Variants in MAP2K6 observed in about 807,000 individuals in gnomAD.
MAP2K6 encodes the protein dual specificity mitogen-activated protein kinase kinase 6.
In MAP2K6, 16 loss-of-function variants were observed where a neutral mutation model predicts 53.7. The observed-to-expected ratio is 0.30, with a 90% CI of 0.20 to 0.45. MAP2K6 has a LOEUF of 0.45. MAP2K6 is among the 20% of genes least tolerant of loss of function. The probability of loss-of-function intolerance (pLI) is 1.00; values close to 1 mark genes in which losing one functional copy is unlikely to be tolerated. For missense variants in MAP2K6, 204 were observed against 411.9 expected (o/e 0.50, Z 4.37); for synonymous variants, 132 against 143.1 (o/e 0.92, Z 0.55).
intron 8 of MAP2K6, 73 bp from the exon 9 acceptor site, chr17:69,524,828 C>A: frequency 1.7e-6 from 2 of 1,146,594 alleles, no homozygotes; most frequent in Non-Finnish European, 2.6e-6. Flanking sequence ...TACCCCCATC[C>A]CCAGAGACTA....
chr17:69,517,638 T>G, intron 4 of MAP2K6, 25 bp downstream of exon 4: 1 of 1,529,086 alleles, frequency 6.5e-7, no homozygotes, highest in Non-Finnish European at 8.9e-7. Context: ...CTCCCAAATG[T>G]TTTATATCTG....
intron 2 of MAP2K6, among the ~76,000 whole-genome samples, chr17:69,515,896 A>G (rs1461936835): frequency 6.6e-6 from 1 of 152,178 alleles, no homozygotes; most frequent in Non-Finnish European, 1.5e-5. Flanking sequence ...TGCCATTACT[A>G]TTTGTTTCTT....
intron 5 of MAP2K6, chr17:69,519,663 C>A: frequency 2.0e-6 from 1 of 491,524 alleles, no homozygotes; most frequent in East Asian, 4.0e-5. Context: ...CGTCTCCTTT[C>A]TTTTTTGTTT....
At chr17:69,457,755 T>C (rs549863717) in intron 1 of MAP2K6, among the ~76,000 whole-genome samples, 27 of 152,116 alleles carry the variant, frequency 1.8e-4, no homozygotes, top group Non-Finnish European at 3.2e-4. Context: ...TGGTGAGCTA[T>C]GATCACACTA....
chr17:69,477,124 T>G (rs1216973467), intron 1 of MAP2K6: 1 of 152,134 alleles, frequency 6.6e-6, no homozygotes, highest in Non-Finnish European at 1.5e-5. Flanking sequence ...AATACAGAGC[T>G]TGAAATAAAG....
intron 4 of MAP2K6, 23 bp from the exon 5 acceptor site, chr17:69,519,290 A>G: frequency 6.2e-7 from 1 of 1,610,090 alleles, no homozygotes; most frequent in East Asian, 2.2e-5. Context: ...GTAACCATAA[A>G]TTTTCCATGC....
chr17:69,518,598 G>A (rs778917737), intron 4 of MAP2K6, among the ~76,000 whole-genome samples: 9 of 152,140 alleles, frequency 5.9e-5, no homozygotes, highest in Non-Finnish European at 1.2e-4. Flanking sequence ...AATAGATTGG[G>A]GCTATTGTTA....
chr17:69,534,220 T>G (rs1344856628), intron 10 of MAP2K6, among the ~76,000 whole-genome samples: 2 of 152,166 alleles, frequency 1.3e-5, no homozygotes, highest in African/African-American at 4.8e-5. Flanking sequence ...CCACGTAGAC[T>G]CTCAGCATCT....
chr17:69,498,286 GACAA>G (rs10610312), intron 1 of MAP2K6, among the ~76,000 whole-genome samples: 50,337 of 151,454 alleles, frequency 0.33, 8,849 homozygotes, highest in East Asian at 0.47. Flanking sequence ...GGTAAAACAA[GACAA>G]ACAAACAAAC....
At chr17:69,450,667 C>T (rs1907189915) in intron 1 of MAP2K6, among the ~76,000 whole-genome samples, 2 of 151,468 alleles carry the variant, frequency 1.3e-5, no homozygotes, top group Non-Finnish European at 2.9e-5. Context: ...AAGACTTGTA[C>T]TTCATGATAA....
chr17:69,425,938 C>T (rs1212078486), intron 1 of MAP2K6, among the ~76,000 whole-genome samples: 1 of 152,006 alleles, frequency 6.6e-6, no homozygotes, highest in Non-Finnish European at 1.5e-5. Flanking sequence ...AGTTTATTTA[C>T]CCCTTCCTGT....
At chr17:69,492,704 C>T (rs1908797626) in intron 1 of MAP2K6, among the ~76,000 whole-genome samples, 1 of 152,172 alleles carries the variant, frequency 6.6e-6, no homozygotes, top group Admixed American at 6.5e-5. Context: ...CTGGGTGTGT[C>T]TACTCTCCCT....
chr17:69,437,943 G>C (rs1030884642), intron 1 of MAP2K6, among the ~76,000 whole-genome samples: 2 of 152,198 alleles, frequency 1.3e-5, no homozygotes, highest in African/African-American at 4.8e-5. Flanking sequence ...TAATAATTCT[G>C]TTGCATTGCT....
chr17:69,542,707 CAT>C lies in MAP2K6; in HGVS notation c.*955_*956del, dbSNP rs1235494707. The C allele has an allele frequency of 1.3e-5, 2 of 152,078 alleles. No homozygotes were observed. The highest frequency in any genetic ancestry group is 2.1e-4 in the South Asian group (1 of 4,830). The allele number at this position is 152,078 out of a possible 1,614,324, so 9.4% of individuals were successfully genotyped here. ...GGACAATTGTCAGTTTTGAGGGGGA[CAT>C]GTGTTAAATCACAGAAAAAAATGGT... On this transcript the variant is annotated 3_prime_UTR_variant, in exon 12 of 12. Transcript: ENST00000590474.
intron 1 of MAP2K6, among the ~76,000 whole-genome samples, chr17:69,451,067 G>A (rs1212408132): frequency 6.6e-6 from 1 of 152,174 alleles, no homozygotes; most frequent in East Asian, 1.9e-4. Flanking sequence ...CGTGAATAAG[G>A]GCACAGAACC....
At chr17:69,528,188 T>C (rs369644081) in intron 10 of MAP2K6, among the ~76,000 whole-genome samples, 2 of 151,988 alleles carry the variant, frequency 1.3e-5, no homozygotes, top group African/African-American at 4.8e-5. Flanking sequence ...AACTGTCTGT[T>C]GCTTGTGAAC....
At chr17:69,496,541 G>A (rs911944215) in intron 1 of MAP2K6, among the ~76,000 whole-genome samples, 7 of 152,042 alleles carry the variant, frequency 4.6e-5, no homozygotes, top group African/African-American at 1.7e-4. Flanking sequence ...CTAATTTTTT[G>A]TATTTTTAGT....
rs548608907 is a variant in MAP2K6, at chr17:69,506,540, A to G, written c.83+694A>G. Among the ~76,000 whole-genome samples, 4 of 152,224 alleles carry G rather than the reference A, an allele frequency of 2.6e-5. No homozygotes were observed. The East Asian group carries it at 7.7e-4, about 29-fold the overall frequency. On this transcript the variant is annotated intron_variant, in intron 2 of 11. Coordinates refer to ENST00000590474, the MANE Select transcript of MAP2K6 (RefSeq NM_002758.4). Reference sequence around the variant, plus strand: ...AATGGAAATTCCAAGGAAACTCACAATAGAGGTGTTAGAGAGACAGGGCAA... The same window carrying G: ...AATGGAAATTCCAAGGAAACTCACAGTAGAGGTGTTAGAGAGACAGGGCAA...
intron 1 of MAP2K6, among the ~76,000 whole-genome samples, chr17:69,492,685 T>C (rs575338939): frequency 6.6e-6 from 1 of 152,306 alleles, no homozygotes; most frequent in South Asian, 2.1e-4. Flanking sequence ...TCGCCTCTCC[T>C]TCTCCTCTCT....
Sources: gnomAD v4.1 joint callset for allele counts (sites outside exome capture counted in the v4.1 genomes callset) on GRCh38, gnomAD v4.1.1 for gene constraint, MANE v1.5 for transcripts, NCBI Gene and HGNC (gene_info 2026-07-23, HGNC 2026-07-21) for gene names.